Variants in MRPL4 observed in about 807,000 individuals in gnomAD.
The protein encoded by MRPL4 is large ribosomal subunit protein uL4m.
MRPL4 carries 34 observed loss-of-function variants against 34.1 expected under a neutral mutation model. The ratio of observed to expected loss-of-function variants is 1.00; its 90% CI spans 0.76 to 1.33. The LOEUF is 1.33. Among genes scored for constraint, MRPL4 ranks in the 40% most tolerant of loss-of-function variants. MRPL4 has a pLI of 0.00. For missense variants in MRPL4, 402 were observed against 434.6 expected, an observed-to-expected ratio of 0.92 and a Z score of 0.67; for synonymous variants, 196 against 188.3, an observed-to-expected ratio of 1.04 and a Z score of -0.33.
chr19:10,257,758 G>A (rs554657608), intron 5 of MRPL4, among the ~76,000 whole-genome samples: 1 of 152,004 alleles, frequency 6.6e-6, no homozygotes, highest in East Asian at 1.9e-4. Context: ...CTTGAGTTAA[G>A]TTCACACTCT....
chr19:10,259,261 C>G (rs1488956942), intron 8 of MRPL4: 1 of 1,340,638 alleles, frequency 7.5e-7, no homozygotes, highest in African/African-American at 1.5e-5. Context: ...GATGAAAGCC[C>G]AAGTCATCAG....
chr19:10,256,848 GCGGGGAGGGGT>G, intron 5 of MRPL4, 23 bp downstream of exon 5: 4 of 1,241,312 alleles, frequency 3.2e-6, no homozygotes, highest in Non-Finnish European at 4.3e-6. Context: ...GGTGGAGGGG[GCGGGGAGGGGT>G]GGGGGGGCCA....
intron 8 of MRPL4, chr19:10,258,954 G>C (rs1359008398): frequency 7.0e-7 from 1 of 1,420,522 alleles, no homozygotes; most frequent in Non-Finnish European, 9.2e-7. Flanking sequence ...AAATAAAAAA[G>C]TTAGGCGTGG....
intron 3 of MRPL4, 129 bp from the exon 4 acceptor site, chr19:10,254,460 G>A (rs1195092399): frequency 2.0e-6 from 2 of 975,850 alleles, no homozygotes; most frequent in African/African-American, 3.3e-5. Flanking sequence ...TTCAAGATGG[G>A]GTCAGTGAGG....
intron 3 of MRPL4, 104 bp from the exon 4 acceptor site, chr19:10,254,485 G>A (rs973670595): frequency 6.6e-5 from 90 of 1,369,356 alleles, no homozygotes; most frequent in Non-Finnish European, 1.7e-5. Context: ...GAGGCAAATC[G>A]CCCAGGGCCC....
At chr19:10,259,398 C>A in intron 8 of MRPL4, 1 of 1,404,808 alleles carries the variant, frequency 7.1e-7, no homozygotes, top group Non-Finnish European at 9.2e-7. Flanking sequence ...GCCTGGCTCT[C>A]GGTCAGCAGG....
rs1385066938 is a variant in MRPL4 at position 10,258,881 on chromosome 19, A to G, written c.739+196A>G. On this transcript the variant is annotated intron_variant, in intron 8 of 8. Transcript: ENST00000253099. ...CTGGGGATGGTGGCTCACGCTTGTA[A>G]TCCCAGTACTTTGGGAGGCCAAGGC... 9 of 1,484,094 alleles carry G rather than the reference A, an allele frequency of 6.1e-6. No homozygotes were observed. In the East Asian group the frequency reaches 2.2e-4, roughly 36 times the overall value. The allele number at this position is 1,484,094 out of a possible 1,614,324, so 91.9% of individuals were successfully genotyped here. A position where few individuals can be genotyped will look rare whatever the true frequency, so the allele number is the denominator to read the frequency against.
chr19:10,259,586 G>GCCC lies in MRPL4; in HGVS notation c.740-27_740-25dup. On this transcript the variant is annotated intron_variant, in intron 8 of 8. Coordinates refer to ENST00000253099, the MANE Select transcript of MRPL4 (RefSeq NM_015956.3). ...GAGAGAGGCAGCCCCGGCCTGACCG[G>GCCC]CCCCCCGCCCCGCCCCCACCCCGCC... 4.1e-6 allele frequency: 6 copies of GCCC among 1,461,444 alleles called. 1 individual carries two copies. Among genetic ancestry groups the GCCC allele is most frequent in the Non-Finnish European group, 3.6e-6 (4 of 1,117,368 alleles). 90.5% of individuals were successfully genotyped at this position (1,461,444 alleles called of 1,614,324 possible). A position where few individuals can be genotyped will look rare whatever the true frequency, so the allele number is the denominator to read the frequency against.
In MRPL4 at chr19:10,256,835, C is replaced by T. The variant is rs1249063570; in HGVS notation, c.445+10C>T. 5 of 169,718 alleles carry T rather than the reference C, an allele frequency of 2.9e-5. No individual in the cohort carries two copies. Among genetic ancestry groups the T allele is most frequent in the Non-Finnish European group, 5.0e-5 (5 of 99,474 alleles). 10.5% of individuals were successfully genotyped at this position (169,718 alleles called of 1,614,324 possible). ...CCGCTCTGGCGAGGAGGTAACAGGACAGGGTGGAGGGGGCGGGGAGGGGTG... is the reference window on the plus strand; with the variant it reads ...CCGCTCTGGCGAGGAGGTAACAGGATAGGGTGGAGGGGGCGGGGAGGGGTG... On this transcript the variant is annotated intron_variant, in intron 5 of 8. Transcript: ENST00000253099.
At chr19:10,256,336 C>A (rs571451126) in intron 4 of MRPL4, among the ~76,000 whole-genome samples, 1 of 152,052 alleles carries the variant, frequency 6.6e-6, no homozygotes, top group East Asian at 1.9e-4. Context: ...ATCTCAGCTA[C>A]TAGGGAGGCT....
intron 5 of MRPL4, 39 bp downstream of exon 5, chr19:10,256,864 G>GT: frequency 1.0e-6 from 1 of 1,004,110 alleles, no homozygotes; most frequent in Non-Finnish European, 1.4e-6. Context: ...AGGGGTGGGG[G>GT]GGCCAGGGAA....
intron 2 of MRPL4, 35 bp downstream of exon 2, chr19:10,252,498 G>A: frequency 6.2e-7 from 1 of 1,613,884 alleles, no homozygotes; most frequent in Non-Finnish European, 8.5e-7. Flanking sequence ...GAGGGGCGGC[G>A]ACAGAGAGGT....
At chr19:10,259,418 G>A (rs904586398) in intron 8 of MRPL4, 199 bp from the exon 9 acceptor site, 5 of 1,415,012 alleles carry the variant, frequency 3.5e-6, no homozygotes, top group Non-Finnish European at 4.6e-6. Context: ...GTGATGAGCT[G>A]GGAGCAGCTC....
At chr19:10,254,170 C>T (rs1418337650) in intron 3 of MRPL4, among the ~76,000 whole-genome samples, 1 of 152,116 alleles carries the variant, frequency 6.6e-6, no homozygotes, top group African/African-American at 2.4e-5. Context: ...AGACATGTAC[C>T]ACCGTGCCCA....
rs1324653887 is a variant in MRPL4, at chr19:10,258,102, C to T, written c.446-120C>T. On this transcript the variant is annotated intron_variant, in intron 5 of 8. Transcript: ENST00000253099. ...CCAGCCTCCCCTGAGGCCCCACCCTCTCTGCCTTGTTCCTGGCAGCGCCCC... is the reference window on the plus strand; with the variant it reads ...CCAGCCTCCCCTGAGGCCCCACCCTTTCTGCCTTGTTCCTGGCAGCGCCCC... 2.5e-5 allele frequency: 17 copies of T among 683,216 alleles called. 1 individual carries two copies. In the Admixed American group the frequency reaches 4.4e-4, roughly 18 times the overall value. The allele number at this position is 683,216 out of a possible 1,614,324, so 42.3% of individuals were successfully genotyped here.
rs1315060215 is a variant in MRPL4 at position 10,252,293 on chromosome 19, C to T, written c.40C>T (p.Arg14Trp). The T allele has an allele frequency of 6.2e-7, 1 of 1,609,698 alleles. No individual in the cohort carries two copies. Among genetic ancestry groups the T allele is most frequent in the African/African-American group, 1.3e-5 (1 of 74,736 alleles). The change falls in exon 1 of 9, where the codon CGG becomes TGG. Residue 14 changes from arginine to tryptophan, a missense_variant. By Grantham distance (101) the Arg-to-Trp change is moderately radical. Transcript: ENST00000253099. Reference sequence around the variant, plus strand: ...CCGGGCCGGGGCGCGGGCCTGGCTTCGGCCTACCGGCAGCCAGGTGAGGCC... The same window carrying T: ...CCGGGCCGGGGCGCGGGCCTGGCTTTGGCCTACCGGCAGCCAGGTGAGGCC... The part of the protein sequence containing the change: ...FVRAGARAWL[R>W]PTGSQGLSSL...
chr19:10,255,305 C>G (rs2039839596), intron 4 of MRPL4: 1 of 152,734 alleles, frequency 6.5e-6, no homozygotes. Flanking sequence ...GACCCAGTCT[C>G]TACCCCTTCC....
chr19:10,254,374 G>A (rs1202935434), intron 3 of MRPL4, among the ~76,000 whole-genome samples: 2 of 152,226 alleles, frequency 1.3e-5, no homozygotes, highest in Non-Finnish European at 2.9e-5. Flanking sequence ...GCTACCTGTA[G>A]GCTGAGAAAG....
Position 10,252,440 on chromosome 19 carries a change from A to T in MRPL4, c.101A>T (p.Asn34Ile), listed in dbSNP as rs1310947983. Residue 34 changes from asparagine (N) to isoleucine (I), a missense_variant, in exon 2 of 9, where the codon AAC (asparagine) becomes ATC (isoleucine). Coordinates refer to ENST00000253099, the MANE Select transcript of MRPL4 (RefSeq NM_015956.3). ...GAAGAGGCAGCGCGTGCGACCGAGA[A>T]CCCGGAGCAGGTGGCGAGCGAGGGT... ...LAEEAARATENPEQVASEGLP... is the reference protein window; with the variant it reads ...LAEEAARATEIPEQVASEGLP... 3.1e-6 allele frequency: 5 copies of T among 1,613,814 alleles called. No individual in the cohort carries two copies. The highest frequency in any genetic ancestry group is 3.3e-5 in the Admixed American group (2 of 59,996).
Sources: gnomAD v4.1 joint callset for allele counts (sites outside exome capture counted in the v4.1 genomes callset) on GRCh38, gnomAD v4.1.1 for gene constraint, MANE v1.5 for transcripts, NCBI Gene and HGNC (gene_info 2026-07-23, HGNC 2026-07-21) for gene names.